Variants in SCN1A observed in about 807,000 individuals in gnomAD.
SCN1A encodes sodium channel protein type 1 subunit alpha.
SCN1A carries 13 observed loss-of-function variants against 193.7 expected under a neutral mutation model. The ratio of observed to expected loss-of-function variants is 0.07; its 90% CI spans 0.04 to 0.11. The LOEUF (loss-of-function observed/expected upper bound fraction) is 0.11, where lower values mean the gene tolerates loss of function less well. Among genes scored for constraint, SCN1A ranks in the 10% least tolerant of loss-of-function variants. The pLI is 1.00. For missense variants in SCN1A, 1,432 were observed against 2,451.1 expected, an observed-to-expected ratio of 0.58 and a Z score of 8.78; for synonymous variants, 781 against 843.6, an observed-to-expected ratio of 0.93 and a Z score of 1.29.
intron 18 of SCN1A, among the ~76,000 whole-genome samples, 185 bp downstream of exon 18, chr2:166,037,591 C>T (rs1346363339): frequency 7.8e-6 from 1 of 128,064 alleles, no homozygotes; most frequent in Non-Finnish European, 1.6e-5. Flanking sequence ...AGGTAATGGA[C>T]TTTTAAACCA....
intron 2 of SCN1A, among the ~76,000 whole-genome samples, chr2:166,115,004 T>C (rs1416595943): frequency 6.6e-6 from 1 of 152,200 alleles, no homozygotes; most frequent in Non-Finnish European, 1.5e-5. Context: ...TATCAATGCA[T>C]TCCATAACTA....
chr2:166,069,693 A>G (rs1019567083), intron 4 of SCN1A, among the ~76,000 whole-genome samples: 5 of 152,200 alleles, frequency 3.3e-5, no homozygotes, highest in Non-Finnish European at 2.9e-5. Flanking sequence ...TCTATTCCAT[A>G]TAGTTGAGAA....
intron 2 of SCN1A, among the ~76,000 whole-genome samples, chr2:166,091,736 T>C (rs1478432357): frequency 1.3e-5 from 2 of 152,188 alleles, no homozygotes; most frequent in East Asian, 3.9e-4. Context: ...TTTAGTGCAA[T>C]AATGAAATCA....
intron 15 of SCN1A, among the ~76,000 whole-genome samples, chr2:166,041,781 GGTGTAGATAT>G (rs1697220996): frequency 6.6e-6 from 1 of 152,134 alleles, no homozygotes; most frequent in African/African-American, 2.4e-5. Flanking sequence ...GGTTTAGGGT[GGTGTAGATAT>G]TGTGTGTGCA....
At chr2:165,993,879 A>G in intron 28 of SCN1A, 1 of 504,598 alleles carries the variant, frequency 2.0e-6, no homozygotes, top group Non-Finnish European at 3.5e-6. Context: ...AAACATTTTT[A>G]TTTTAGTTAA....
At chr2:166,104,433 T>C (rs1397979220) in intron 2 of SCN1A, 1 of 152,096 alleles carries the variant, frequency 6.6e-6, no homozygotes, top group Non-Finnish European at 1.5e-5. Flanking sequence ...GATATAATAA[T>C]GATTGTGGTG....
intron 2 of SCN1A, among the ~76,000 whole-genome samples, chr2:166,078,017 T>C (rs1559293531): frequency 6.6e-6 from 1 of 151,818 alleles, no homozygotes; most frequent in African/African-American, 2.4e-5. Flanking sequence ...AAGACAAAAC[T>C]ACAGAGACAA....
At chr2:166,072,789 T>TTTCTTTCCTTCC (rs1684564260) in intron 4 of SCN1A, among the ~76,000 whole-genome samples, 1 of 144,482 alleles carries the variant, frequency 6.9e-6, no homozygotes, top group Non-Finnish European at 1.5e-5. Context: ...TGCCTCTTTC[T>TTTCTTTCCTTCC]TTCCTTCCTT....
At chr2:166,126,415 C>T (rs993445165) in intron 2 of SCN1A, 14 of 152,062 alleles carry the variant, frequency 9.2e-5, no homozygotes, top group Non-Finnish European at 5.9e-5. Context: ...TCAGATGCCC[C>T]GCGAACGTGC....
intron 14 of SCN1A, 28 bp downstream of exon 14, chr2:166,043,641 A>G (rs1697411277): frequency 1.3e-6 from 2 of 1,594,982 alleles, no homozygotes; most frequent in Non-Finnish European, 8.6e-7. Context: ...TGAGCCAGCC[A>G]TGCCTGAACT....
At chr2:166,018,930 G>A (rs569103832) in intron 19 of SCN1A, among the ~76,000 whole-genome samples, 1 of 152,164 alleles carries the variant, frequency 6.6e-6, no homozygotes, top group East Asian at 1.9e-4. Context: ...CTGTATGATT[G>A]TATGAACATT....
Position 166,121,660 on chromosome 2 carries a change from A to G in SCN1A, c.-142+5264T>C, listed in dbSNP as rs1690611408. Reference sequence around the variant, plus strand: ...TATCCAGTAGGAGGAGGGTATGAATAATGAAAATCCATCATTTATAAAATA... The same window carrying G: ...TATCCAGTAGGAGGAGGGTATGAATGATGAAAATCCATCATTTATAAAATA... On this transcript the variant is annotated intron_variant, in intron 2 of 28. Coordinates refer to ENST00000674923, the MANE Select transcript of SCN1A (RefSeq NM_001165963.4). Among the ~76,000 whole-genome samples the G allele has an allele frequency of 2.6e-5, 4 of 152,344 alleles. No homozygotes were observed. The South Asian group carries it at 8.3e-4, about 32-fold the overall frequency.
rs144647450 is a variant in SCN1A, at chr2:166,029,232, G to A, written c.3429+6816C>T. On this transcript the variant is annotated intron_variant, in intron 19 of 28. Transcript: ENST00000674923. ...AATGGGCAACTCCTGAAAGGTTAGG[G>A]AGGACAGAACGGTTACGGGATTTGC... Among the ~76,000 whole-genome samples the A allele has an allele frequency of 1.7e-4, 26 of 152,218 alleles. No individual in the cohort carries two copies. In the East Asian group the frequency reaches 4.3e-3, roughly 25 times the overall value.
chr2:166,008,002 G>A (rs1691880938), intron 23 of SCN1A, among the ~76,000 whole-genome samples: 1 of 151,220 alleles, frequency 6.6e-6, no homozygotes, highest in Non-Finnish European at 1.5e-5. Context: ...GAAGAGATTA[G>A]TCATTTTAGT....
intron 23 of SCN1A, among the ~76,000 whole-genome samples, chr2:166,004,703 T>A (rs1691413974): frequency 6.6e-6 from 1 of 151,666 alleles, no homozygotes; most frequent in South Asian, 2.1e-4. Context: ...CTATACTTCA[T>A]GCCACTTCAA....
chr2:166,110,500 G>T (rs1426688932), intron 2 of SCN1A, among the ~76,000 whole-genome samples: 1 of 152,176 alleles, frequency 6.6e-6, no homozygotes, highest in East Asian at 1.9e-4. Flanking sequence ...ATTCCCTTGA[G>T]CCAAAGCCTA....
chr2:166,095,785 C>T (rs1478809977), intron 2 of SCN1A, among the ~76,000 whole-genome samples: 1 of 152,142 alleles, frequency 6.6e-6, no homozygotes, highest in East Asian at 1.9e-4. Flanking sequence ...TTCCTCAGAG[C>T]TATTAATATC....
intron 6 of SCN1A, among the ~76,000 whole-genome samples, chr2:166,055,448 A>AT (rs1268807581): frequency 4.0e-5 from 6 of 151,852 alleles, no homozygotes; most frequent in Non-Finnish European, 2.9e-5. Context: ...ATACTTTAGA[A>AT]TTTTTTTGTA....
intron 4 of SCN1A, among the ~76,000 whole-genome samples, chr2:166,067,471 CTTT>C (rs5836078): frequency 6.9e-6 from 1 of 145,900 alleles, no homozygotes; most frequent in Non-Finnish European, 1.5e-5. Context: ...ACTGACTTCT[CTTT>C]TTTTTTTTTC....
Sources: allele counts gnomAD v4.1 joint callset (sites outside exome capture counted in the v4.1 genomes callset), GRCh38; gene constraint gnomAD v4.1.1; transcripts MANE v1.5; gene names NCBI Gene and HGNC (gene_info 2026-07-23, HGNC 2026-07-21).